Variants in VWA3B observed in about 807,000 individuals in gnomAD.
The protein encoded by VWA3B is von Willebrand factor A domain-containing protein 3B.
In VWA3B, 138 loss-of-function variants were observed where a neutral mutation model predicts 158.3. The ratio of observed to expected loss-of-function variants is 0.87; its 90% CI spans 0.76 to 1.00. VWA3B has a LOEUF of 1.00. VWA3B is among the 50% of genes least tolerant of loss of function. VWA3B has a pLI of 0.00. For missense variants in VWA3B, 1,555 were observed against 1,565.1 expected, an observed-to-expected ratio of 0.99 and a Z score of 0.11; for synonymous variants, 596 against 587.3, an observed-to-expected ratio of 1.01 and a Z score of -0.21.
At chr2:98,150,999 C>T (rs1325800764) in intron 7 of VWA3B, among the ~76,000 whole-genome samples, 1 of 152,184 alleles carries the variant, frequency 6.6e-6, no homozygotes, top group Non-Finnish European at 1.5e-5. Context: ...CTTCTTGTAC[C>T]TGTTGGTTTA....
intron 22 of VWA3B, among the ~76,000 whole-genome samples, chr2:98,290,170 G>A (rs553827135): frequency 1.3e-5 from 2 of 152,270 alleles, no homozygotes; most frequent in Non-Finnish European, 2.9e-5. Flanking sequence ...GGAGGCCACA[G>A]GAAACTTACA....
intron 26 of VWA3B, 105 bp from the exon 27 acceptor site, chr2:98,311,714 G>A (rs1690905280): frequency 1.5e-6 from 2 of 1,311,622 alleles, no homozygotes; most frequent in South Asian, 3.2e-5. Context: ...ATGGGAAGAG[G>A]GACGTGGGCA....
intron 8 of VWA3B, among the ~76,000 whole-genome samples, chr2:98,172,684 G>A (rs115629945): frequency 0.013 from 1,945 of 152,230 alleles, 17 homozygotes; most frequent in Admixed American, 0.019. Context: ...TTGGGGGTGG[G>A]GGAGATGGAG....
In VWA3B at chr2:98,106,635, AT is replaced by A. The variant is rs200902985; in HGVS notation, c.197-9009del. On this transcript the variant is annotated intron_variant, in intron 2 of 27. Transcript: ENST00000477737. The stretch of plus-strand genomic sequence containing the variant: ...TGTTAGATTTATACCTAAGTATTTT[AT>A]TTTTTTTAGCAGTTGTAGATGGAAT... 5.1e-3 allele frequency among the ~76,000 whole-genome samples: 774 copies of A among 151,934 alleles called. 16 individuals carry two copies. The East Asian group carries it at 0.088, about 17-fold the overall frequency.
At position 98,271,414 on chromosome 2, in the gene VWA3B, G is replaced by A. The variant is rs144037949; in HGVS notation, c.3045+531G>A. Among the ~76,000 whole-genome samples the A allele has an allele frequency of 6.6e-3, 998 of 152,030 alleles. 7 individuals are homozygous for A. Among genetic ancestry groups the A allele is most frequent in the African/African-American group, 0.022 (920 of 41,448 alleles). ...TAGAAAGAAAAATAATTTATAATCC[G>A]GTTGCCTTATTGCTACCACTTGGGA... On this transcript the variant is annotated intron_variant, in intron 22 of 27. Coordinates refer to ENST00000477737, the MANE Select transcript of VWA3B (RefSeq NM_144992.5).
chr2:98,303,882 G>A, intron 26 of VWA3B, 80 bp downstream of exon 26: 4 of 1,365,228 alleles, frequency 2.9e-6, no homozygotes, highest in Non-Finnish European at 2.1e-6. Flanking sequence ...TGAGATCCAT[G>A]ACCTCTAAAT....
At chr2:98,207,296 C>A in intron 12 of VWA3B, 1 of 490,446 alleles carries the variant, frequency 2.0e-6, no homozygotes, top group South Asian at 1.6e-5. Context: ...ACTGTGCTGC[C>A]CCATGCTGTC....
At position 98,291,427 on chromosome 2, in the gene VWA3B, G is replaced by A. The variant is rs192369793; in HGVS notation, c.3157+805G>A. ...CTTAGAAATGAAGAAAGACATCTAT[G>A]TCTGGAGAAATAAAATTGATTCTGG... On this transcript the variant is annotated intron_variant, in intron 23 of 27. Coordinates refer to ENST00000477737, the MANE Select transcript of VWA3B (RefSeq NM_144992.5). 4 of 152,342 alleles carry A rather than the reference G, an allele frequency of 2.6e-5. No homozygotes were observed. In the East Asian group the frequency reaches 5.8e-4, roughly 22 times the overall value. The allele number at this position is 152,342 out of a possible 1,614,324, so 9.4% of individuals were successfully genotyped here.
chr2:98,136,190 T>G (rs901620826), intron 7 of VWA3B, among the ~76,000 whole-genome samples: 3 of 152,208 alleles, frequency 2.0e-5, no homozygotes, highest in African/African-American at 7.2e-5. Context: ...AAAAAAACTC[T>G]GCAGTTAAGA....
At chr2:98,200,380 A>G (rs560898305) in intron 12 of VWA3B, among the ~76,000 whole-genome samples, 1 of 152,058 alleles carries the variant, frequency 6.6e-6, no homozygotes, top group East Asian at 1.9e-4. Context: ...GTCTCTACTA[A>G]AACTACAAAA....
chr2:98,271,014 C>A (rs1170136053), intron 22 of VWA3B, 131 bp downstream of exon 22: 1 of 853,098 alleles, frequency 1.2e-6, no homozygotes, highest in Non-Finnish European at 1.8e-6. Context: ...AGAGCCAATC[C>A]AGTTAAGGTC....
chr2:98,154,051 G>A (rs1280602776), intron 7 of VWA3B, among the ~76,000 whole-genome samples: 5 of 151,966 alleles, frequency 3.3e-5, no homozygotes, highest in African/African-American at 4.8e-5. Flanking sequence ...TAGTAGAGAC[G>A]GGGTTTCACC....
rs2105279367 is a variant in VWA3B, at chr2:98,168,337, A to G, written c.1114+5361A>G. Among the ~76,000 whole-genome samples the G allele has an allele frequency of 1.3e-5, 2 of 151,740 alleles. 1 individual carries two copies. The highest frequency in any genetic ancestry group is 4.2e-4 in the South Asian group (2 of 4,788). On this transcript the variant is annotated intron_variant, in intron 8 of 27. Transcript: ENST00000477737. Reference sequence around the variant, plus strand: ...TATGAGCCTCAGATATTGGACAATTATGTATCAGTTCCCTTTGTTTCAATC... The same window carrying G: ...TATGAGCCTCAGATATTGGACAATTGTGTATCAGTTCCCTTTGTTTCAATC...
In VWA3B at chr2:98,121,447, A is replaced by C. The variant is rs1233190268; in HGVS notation, c.691A>C (p.Arg231=). The change falls in exon 5 of 28, where the codon AGA becomes CGA. Residue 231 remains arginine (R), a synonymous_variant. Transcript: ENST00000477737. ...GRLDALLEAG[R]DKTIESIYYF... ...CCTGGATGCTCTGCTGGAAGCCGGG[A>C]GAGACAAGACTGTAAGTGCGTGTTC... 1.9e-6 allele frequency: 3 copies of C among 1,613,780 alleles called. No individual in the cohort carries two copies. The highest frequency in any genetic ancestry group is 2.5e-6 in the Non-Finnish European group (3 of 1,179,982).
downstream of VWA3B, among the ~76,000 whole-genome samples, chr2:98,315,944 A>G (rs1691076607): frequency 6.6e-6 from 1 of 152,258 alleles, no homozygotes; most frequent in Non-Finnish European, 1.5e-5. Flanking sequence ...ATTTACAATG[A>G]CAACAAAGAA....
rs1325794193 is a variant in VWA3B, at chr2:98,134,101, T to A, written c.988+162T>A. The A allele has an allele frequency of 1.1e-5, 7 of 639,838 alleles. No individual in the cohort carries two copies. In the Admixed American group the frequency reaches 1.9e-4, roughly 17 times the overall value. The allele number at this position is 639,838 out of a possible 1,614,324, so 39.6% of individuals were successfully genotyped here. ...AGTTAATGGATATTAGTGGTGAGTT[T>A]GTCAGCGTAGCAACCAGGCATAAGT... is the stretch of plus-strand genomic sequence containing the variant. On this transcript the variant is annotated intron_variant, in intron 7 of 27. Coordinates refer to ENST00000477737, the MANE Select transcript of VWA3B (RefSeq NM_144992.5).
chr2:98,172,387 G>A (rs964132407), intron 8 of VWA3B, among the ~76,000 whole-genome samples: 42 of 151,528 alleles, frequency 2.8e-4, no homozygotes, highest in East Asian at 3.9e-4. Flanking sequence ...ATGCCGGTGC[G>A]TTCCTCCCGA....
rs552107536 is a variant in VWA3B, at chr2:98,178,700, G to C, written c.1115-2316G>C. Among the ~76,000 whole-genome samples the C allele has an allele frequency of 2.0e-5, 3 of 152,178 alleles. No individual in the cohort carries two copies. In the East Asian group the frequency reaches 5.8e-4, roughly 29 times the overall value. The stretch of plus-strand genomic sequence containing the variant: ...CTTGGCTGCACAATACAGTTGCCTG[G>C]GGAGCTTTGTAAAATCCCAATGTCC... On this transcript the variant is annotated intron_variant, in intron 8 of 27. Transcript: ENST00000477737.
At chr2:98,152,317 A>G (rs1412836752) in intron 7 of VWA3B, among the ~76,000 whole-genome samples, 1 of 152,232 alleles carries the variant, frequency 6.6e-6, no homozygotes, top group Non-Finnish European at 1.5e-5. Context: ...TTCAATTCTC[A>G]GAAGCTTTCA....
Sources: allele counts gnomAD v4.1 joint callset (sites outside exome capture counted in the v4.1 genomes callset), GRCh38; gene constraint gnomAD v4.1.1; transcripts MANE v1.5; gene names NCBI Gene and HGNC (gene_info 2026-07-23, HGNC 2026-07-21).